Variants in SKA1 observed in about 807,000 individuals in gnomAD.
The protein encoded by SKA1 is spindle and kinetochore associated complex subunit 1.
SKA1 carries 20 observed loss-of-function variants against 31.8 expected under a neutral mutation model. The ratio of observed to expected loss-of-function variants is 0.63; its 90% CI spans 0.44 to 0.91. SKA1 has a LOEUF of 0.91. Ranked by LOEUF, SKA1 falls within the 40% of genes least tolerant of loss-of-function variation. The pLI, the probability that SKA1 is intolerant of heterozygous loss-of-function variation, is 0.00. For synonymous variants in SKA1, 88 were observed against 100.5 expected (o/e 0.88, Z 0.74); for missense variants, 253 against 298.2 (o/e 0.85, Z 1.12).
In SKA1 at chr18:50,380,134, C is replaced by G. The variant is rs752681177; in HGVS notation, c.97C>G (p.Pro33Ala). The G allele has an allele frequency of 1.4e-5, 21 of 1,528,214 alleles. No individual in the cohort carries two copies. The highest frequency in any genetic ancestry group is 1.7e-5 in the Non-Finnish European group (19 of 1,147,288). The allele number at this position is 1,528,214 out of a possible 1,614,324, so 94.7% of individuals were successfully genotyped here. A position where few individuals can be genotyped will look rare whatever the true frequency, so the allele number is the denominator to read the frequency against. Residue 33 changes from proline (P) to alanine (A), a missense_variant, in exon 3 of 7, where the codon CCT (proline) becomes GCT (alanine). Pro to Ala is a conservative substitution (Grantham distance 27). Coordinates refer to ENST00000285116, the MANE Select transcript of SKA1 (RefSeq NM_145060.4). ...ATTTTTGTTTATAACAGGCCAGGAACCTACCTTGAAAACTGTATTAAATAA... is the reference window on the plus strand; with the variant it reads ...ATTTTTGTTTATAACAGGCCAGGAAGCTACCTTGAAAACTGTATTAAATAA... ...TLSLRNCGQE[P>A]TLKTVLNKIG...
Position 50,393,776 on chromosome 18 carries a change from T to A in SKA1, c.*1529T>A, listed in dbSNP as rs928442282. ...CAAAGCTCCTAAATTCCTTTAAATTTCCCAGTGATAGGAGAATTTTTTGTT... is the reference window on the plus strand; with the variant it reads ...CAAAGCTCCTAAATTCCTTTAAATTACCCAGTGATAGGAGAATTTTTTGTT... On this transcript the variant is annotated 3_prime_UTR_variant, in exon 7 of 7. Coordinates refer to ENST00000285116, the MANE Select transcript of SKA1 (RefSeq NM_145060.4). 6.6e-6 allele frequency: 1 copy of A among 152,182 alleles called. No homozygotes were observed. Among genetic ancestry groups the A allele is most frequent in the African/African-American group, 2.4e-5 (1 of 41,444 alleles). The allele number at this position is 152,182 out of a possible 1,614,324, so 9.4% of individuals were successfully genotyped here.
intron 2 of SKA1, among the ~76,000 whole-genome samples, chr18:50,379,027 G>T (rs981287997): frequency 6.6e-6 from 1 of 152,040 alleles, no homozygotes; most frequent in Non-Finnish European, 1.5e-5. Flanking sequence ...CTGACTTCAG[G>T]CCTTCTACCT....
chr18:50,385,186 C>T (rs749007494), intron 4 of SKA1, 30 bp from the exon 5 acceptor site: 98 of 1,534,720 alleles, frequency 6.4e-5, no homozygotes, highest in Non-Finnish European at 8.2e-5. Context: ...CTGAAAATTG[C>T]CTGTATGTAT....
rs947797528 is a variant in SKA1, at chr18:50,375,678, G to A, written c.-11-142G>A. On this transcript the variant is annotated intron_variant, in intron 1 of 6. Coordinates refer to ENST00000285116, the MANE Select transcript of SKA1 (RefSeq NM_145060.4). ...GTTAGAAACTGAATGTTGTAGAAAT[G>A]AAAGAAATTGCTCTTGAATTTTTGT... 5 of 598,502 alleles carry A rather than the reference G, an allele frequency of 8.4e-6. No homozygotes were observed. In the African/African-American group the frequency reaches 9.4e-5, roughly 11 times the overall value. 37.1% of individuals were successfully genotyped at this position (598,502 alleles called of 1,614,324 possible).
chr18:50,389,888 G>A (rs1473679661), intron 5 of SKA1, among the ~76,000 whole-genome samples: 1 of 152,198 alleles, frequency 6.6e-6, no homozygotes, highest in Non-Finnish European at 1.5e-5. Flanking sequence ...AATTAGAATG[G>A]TCATGGTAGA....
intron 5 of SKA1, among the ~76,000 whole-genome samples, chr18:50,387,396 G>C (rs1299134576): frequency 6.6e-6 from 1 of 152,164 alleles, no homozygotes; most frequent in South Asian, 2.1e-4. Context: ...TATCTGTTCA[G>C]GTCTTGAGCC....
chr18:50,376,414 A>G (rs138630428), intron 2 of SKA1, among the ~76,000 whole-genome samples: 1 of 152,364 alleles, frequency 6.6e-6, no homozygotes, highest in Non-Finnish European at 1.5e-5. Flanking sequence ...ACTGTACTGA[A>G]TACCTTAGGC....
At chr18:50,382,095 C>G (rs2041268194) in intron 3 of SKA1, 34 bp from the exon 4 acceptor site, 1 of 1,218,680 alleles carries the variant, frequency 8.2e-7, no homozygotes, top group Non-Finnish European at 1.2e-6. Flanking sequence ...ATGGGGAGGA[C>G]AGAGACTTAT....
intron 4 of SKA1, among the ~76,000 whole-genome samples, chr18:50,384,892 G>GAAAAAAA (rs796154111): frequency 1.5e-5 from 1 of 68,570 alleles, no homozygotes; most frequent in African/African-American, 7.7e-5. Context: ...AAAAAAAAAG[G>GAAAAAAA]AAAAAAAAAA....
At chr18:50,382,598 G>C (rs879328972) in intron 4 of SKA1, among the ~76,000 whole-genome samples, 2 of 151,522 alleles carry the variant, frequency 1.3e-5, no homozygotes, top group African/African-American at 2.4e-5. Context: ...GATTCTGGTA[G>C]CATCCCTCCA....
chr18:50,380,062 T>C, intron 2 of SKA1, 64 bp from the exon 3 acceptor site: 1 of 1,352,978 alleles, frequency 7.4e-7, no homozygotes, highest in Non-Finnish European at 9.8e-7. Flanking sequence ...AGAGTTCGCA[T>C]GAGTACTTAT....
chr18:50,377,574 G>A (rs980908069), intron 2 of SKA1, among the ~76,000 whole-genome samples: 9 of 152,162 alleles, frequency 5.9e-5, no homozygotes, highest in African/African-American at 2.2e-4. Context: ...ATTGGATGAT[G>A]CAATGAAAGT....
chr18:50,389,355 T>G (rs925159188), intron 5 of SKA1, among the ~76,000 whole-genome samples: 1 of 151,694 alleles, frequency 6.6e-6, no homozygotes, highest in Non-Finnish European at 1.5e-5. Context: ...GAGGGTCATT[T>G]TGTCATTTCC....
intron 2 of SKA1, among the ~76,000 whole-genome samples, chr18:50,377,019 C>T (rs1259209027): frequency 7.1e-6 from 1 of 141,478 alleles, no homozygotes; most frequent in African/African-American, 2.7e-5. Context: ...GAGGGATCTG[C>T]CTGAGGCTGT....
chr18:50,376,853 T>TAC lies in SKA1; in HGVS notation c.88+951_88+952dup, dbSNP rs34658755. On this transcript the variant is annotated intron_variant, in intron 2 of 6. Transcript: ENST00000285116. ...TTAAAATTTTTTTGTCAAAAACGAA[T>TAC]ACACACACACACACACATTAGCCTA... Among the ~76,000 whole-genome samples the TAC allele has an allele frequency of 9.3e-5, 14 of 150,744 alleles. No individual in the cohort carries two copies. In the South Asian group the frequency reaches 1.1e-3, roughly 11 times the overall value.
intron 3 of SKA1, among the ~76,000 whole-genome samples, chr18:50,380,894 C>T (rs760563163): frequency 6.6e-6 from 1 of 152,122 alleles, no homozygotes. Context: ...GGGAATTGCT[C>T]AGTGGGATTG....
chr18:50,384,495 C>T lies in SKA1; in HGVS notation c.312-721C>T, dbSNP rs150417035. Among the ~76,000 whole-genome samples, 465 of 152,100 alleles carry T rather than the reference C, an allele frequency of 3.1e-3. 3 individuals are homozygous for T. The highest frequency in any genetic ancestry group is 0.01 in the African/African-American group (417 of 41,474). On this transcript the variant is annotated intron_variant, in intron 4 of 6. Coordinates refer to ENST00000285116, the MANE Select transcript of SKA1 (RefSeq NM_145060.4). ...TGGGCAGATTGAATCCAGGGGTGAC[C>T]CATGATCATTGCTGGCAACTAAAAT...
intron 2 of SKA1, among the ~76,000 whole-genome samples, chr18:50,379,542 C>T (rs955654471): frequency 6.6e-6 from 1 of 152,228 alleles, no homozygotes; most frequent in African/African-American, 2.4e-5. Flanking sequence ...ACAACTTTCA[C>T]TGAAAATATA....
In SKA1 at chr18:50,389,375, CTTTTTTTTTT is replaced by C. The variant is rs756288352; in HGVS notation, c.450-1733_450-1724del. Among the ~76,000 whole-genome samples, 7 of 86,138 alleles carry C rather than the reference CTTTTTTTTTT, an allele frequency of 8.1e-5. No individual in the cohort carries two copies. In the East Asian group the frequency reaches 1.5e-3, roughly 18 times the overall value. 56.5% of individuals were successfully genotyped at this position (86,138 alleles called of 152,430 possible). On this transcript the variant is annotated intron_variant, in intron 5 of 6. Coordinates refer to ENST00000285116, the MANE Select transcript of SKA1 (RefSeq NM_145060.4). ...TCATTTTGTCATTTCCTTTACCTTT[CTTTTTTTTTT>C]TTTTTTTTTTTTTTTACTTTTTTTG...
Sources: gnomAD v4.1 joint callset for allele counts (sites outside exome capture counted in the v4.1 genomes callset) on GRCh38, gnomAD v4.1.1 for gene constraint, MANE v1.5 for transcripts, NCBI Gene and HGNC (gene_info 2026-07-23, HGNC 2026-07-21) for gene names.